YAP1: variants seen among roughly 807,000 people sequenced by gnomAD.
The protein encoded by YAP1 is transcriptional coactivator YAP1.
Under a neutral mutation model 56.9 loss-of-function variants are expected in YAP1, and 5 were observed. The observed-to-expected ratio is 0.09, with a 90% confidence interval of 0.05 to 0.18. YAP1 has a LOEUF of 0.18. Ranked by LOEUF, YAP1 falls within the 10% of genes least tolerant of loss-of-function variation. The pLI is 1.00. For missense variants in YAP1, 539 were observed against 651.8 expected (o/e 0.83, Z 1.88); for synonymous variants, 265 against 248.1 (o/e 1.07, Z -0.64).
intron 5 of YAP1, among the ~76,000 whole-genome samples, chr11:102,209,223 C>T (rs1036788958): frequency 6.6e-6 from 1 of 152,182 alleles, no homozygotes; most frequent in South Asian, 2.1e-4. Flanking sequence ...ATTGTATCTG[C>T]TTTATCTAAT....
Position 102,186,092 on chromosome 11 carries a change from A to T in YAP1, c.763A>T (p.Thr255Ser), listed in dbSNP as rs920307577. The T allele has an allele frequency of 1.2e-6, 2 of 1,613,020 alleles. No individual in the cohort carries two copies. Among genetic ancestry groups the T allele is most frequent in the Non-Finnish European group, 1.7e-6 (2 of 1,179,558 alleles). Residue 255 changes from threonine to serine, a missense_variant, in exon 4 of 9, where the codon ACC becomes TCC. Thr to Ser is a moderately conservative substitution (Grantham distance 58). Coordinates refer to ENST00000282441, the MANE Select transcript of YAP1 (RefSeq NM_001130145.3). ...EIYYINHKNK[T>S]TSWLDPRLDP... is the part of the protein sequence containing the mutation. ...TTACTATATAAACCATAAGAACAAG[A>T]CCACCTCTTGGCTAGACCCAAGGCT...
chr11:102,178,021 A>G (rs1363981527), intron 3 of YAP1, among the ~76,000 whole-genome samples: 1 of 152,196 alleles, frequency 6.6e-6, no homozygotes, highest in Non-Finnish European at 1.5e-5. Context: ...GTTGGGCTGA[A>G]TGATCCTGGA....
intron 2 of YAP1, among the ~76,000 whole-genome samples, chr11:102,127,822 G>A (rs1216020544): frequency 1.3e-5 from 2 of 152,190 alleles, no homozygotes; most frequent in East Asian, 1.9e-4. Flanking sequence ...CCACAGGGGC[G>A]GAGCTGCCCA....
At chr11:102,156,591 T>C (rs192104792) in intron 2 of YAP1, among the ~76,000 whole-genome samples, 16 of 152,386 alleles carry the variant, frequency 1.0e-4, no homozygotes, top group African/African-American at 3.6e-4. Context: ...ATTGGAATTC[T>C]AGTCTTTGTT....
intron 2 of YAP1, among the ~76,000 whole-genome samples, chr11:102,158,849 A>AT (rs1946107988): frequency 6.6e-6 from 1 of 152,212 alleles, no homozygotes; most frequent in Admixed American, 6.5e-5. Context: ...TGTTCCTTAA[A>AT]TAAGGGTTAT....
At chr11:102,222,890 CG>C (rs960443452) in intron 6 of YAP1, among the ~76,000 whole-genome samples, 3 of 147,630 alleles carry the variant, frequency 2.0e-5, no homozygotes, top group African/African-American at 7.5e-5. Flanking sequence ...GGGAGGGGGT[CG>C]GGGGGTTCCA....
At chr11:102,177,387 G>A (rs1317782114) in intron 3 of YAP1, among the ~76,000 whole-genome samples, 6 of 152,218 alleles carry the variant, frequency 3.9e-5, no homozygotes, top group African/African-American at 9.6e-5. Flanking sequence ...GTTTAATGTT[G>A]GAGTTGAATA....
chr11:102,153,715 C>A (rs537266774), intron 2 of YAP1, among the ~76,000 whole-genome samples: 3 of 152,180 alleles, frequency 2.0e-5, no homozygotes, highest in Non-Finnish European at 4.4e-5. Flanking sequence ...ATCTTTCTTC[C>A]AATTTAGTAA....
Position 102,223,740 on chromosome 11 carries a change from C to T in YAP1, c.1151C>T (p.Pro384Leu). The T allele has an allele frequency of 6.2e-7, 1 of 1,613,760 alleles. No individual in the cohort carries two copies. The highest frequency in any genetic ancestry group is 8.5e-7 in the Non-Finnish European group (1 of 1,179,930). Residue 384 changes from proline (P) to leucine (L), a missense_variant, in exon 7 of 9, where the codon CCT becomes CTT. Pro to Leu is a moderately conservative substitution (Grantham distance 98). This residue lies in a region of YAP1 where 414 missense variants were observed against 512.4 expected (regional missense o/e 0.81). Transcript: ENST00000282441. The part of the protein sequence containing the change: ...LRTMTTNSSD[P>L]FLNSGTYHSR... ...ACAATGACGACCAATAGCTCAGATC[C>T]TTTCCTTAACAGGTTGGTGAAAGTT...
chr11:102,166,773 C>T (rs1218311129), intron 3 of YAP1, among the ~76,000 whole-genome samples: 11 of 152,154 alleles, frequency 7.2e-5, no homozygotes, highest in Admixed American at 5.9e-4. Flanking sequence ...AGGACTTCCT[C>T]GCTTTGCTTT....
intron 2 of YAP1, among the ~76,000 whole-genome samples, chr11:102,132,901 G>A (rs1388743509): frequency 6.6e-6 from 1 of 152,178 alleles, no homozygotes; most frequent in Non-Finnish European, 1.5e-5. Flanking sequence ...GTTCATGCCT[G>A]TAATCCCAGC....
chr11:102,229,708 C>T lies in YAP1; in HGVS notation c.1283C>T (p.Thr428Ile), dbSNP rs979593484. 2.5e-6 allele frequency: 4 copies of T among 1,613,938 alleles called. No homozygotes were observed. The change falls in exon 9 of 9, where the codon ACT becomes ATT. Residue 428 changes from threonine (T) to isoleucine (I), a missense_variant. Coordinates refer to ENST00000282441, the MANE Select transcript of YAP1 (RefSeq NM_001130145.3). ...NSVDEMDTGD[T>I]INQSTLPSQQ... ...CTCTGTGTGTTTCCACTAGGTGATA[C>T]TATCAACCAAAGCACCCTGCCCTCA... is the stretch of plus-strand genomic sequence containing the variant.
intron 3 of YAP1, among the ~76,000 whole-genome samples, chr11:102,163,732 G>A (rs139518844): frequency 1.4e-4 from 21 of 152,250 alleles, no homozygotes; most frequent in African/African-American, 4.8e-4. Flanking sequence ...TGGGAAGGGT[G>A]GTACCATTAG....
chr11:102,174,213 A>T (rs147885138), intron 3 of YAP1, among the ~76,000 whole-genome samples: 55 of 152,320 alleles, frequency 3.6e-4, no homozygotes, highest in Non-Finnish European at 6.2e-4. Flanking sequence ...TTTACTGAGT[A>T]CCTAAATACA....
chr11:102,190,159 G>T (rs942561223), intron 4 of YAP1, among the ~76,000 whole-genome samples: 2 of 151,824 alleles, frequency 1.3e-5, no homozygotes, highest in Non-Finnish European at 2.9e-5. Flanking sequence ...TAAAAGTGAG[G>T]TTTTTTTTGT....
chr11:102,184,721 A>T (rs1893498), intron 3 of YAP1, among the ~76,000 whole-genome samples: 48,750 of 152,070 alleles, frequency 0.32, 8,161 homozygotes, highest in Admixed American at 0.41. Context: ...ACTGGTGTGG[A>T]CTGCCAATAC....
chr11:102,219,923 G>A (rs926015936), intron 6 of YAP1, among the ~76,000 whole-genome samples: 7 of 151,702 alleles, frequency 4.6e-5, no homozygotes, highest in Admixed American at 1.3e-4. Context: ...CAGTAGAGAC[G>A]GGGTTTCACC....
At chr11:102,175,389 G>T (rs956638775) in intron 3 of YAP1, among the ~76,000 whole-genome samples, 6 of 152,016 alleles carry the variant, frequency 3.9e-5, no homozygotes, top group Admixed American at 1.3e-4. Flanking sequence ...GACAGAGCGA[G>T]ACCTCGTCTC....
rs577903953 is a variant in YAP1 at position 102,161,809 on chromosome 11, A to G, written c.573-647A>G. Reference sequence around the variant, plus strand: ...TGGTATTTAGCTGTTTTAATTCCCAACTTTATAGATTAAGAAATCTATATG... The same window carrying G: ...TGGTATTTAGCTGTTTTAATTCCCAGCTTTATAGATTAAGAAATCTATATG... On this transcript the variant is annotated intron_variant, in intron 2 of 8. Transcript: ENST00000282441. Among the ~76,000 whole-genome samples the G allele has an allele frequency of 3.9e-5, 6 of 152,330 alleles. No individual in the cohort carries two copies. The South Asian group carries it at 6.2e-4, about 16-fold the overall frequency.
Sources: gnomAD v4.1 joint callset for allele counts (sites outside exome capture counted in the v4.1 genomes callset) on GRCh38, gnomAD v4.1.1 for gene constraint, gnomAD v4.1.1 regional missense constraint, MANE v1.5 for transcripts, NCBI Gene and HGNC (gene_info 2026-07-23, HGNC 2026-07-21) for gene names.